NME9: variants seen among roughly 807,000 people sequenced by gnomAD.
NME9 encodes the protein NME/NM23 family member 9.
NME9 carries 48 observed loss-of-function variants against 44.4 expected under a neutral mutation model. The observed-to-expected ratio is 1.08, with a 90% CI of 0.86 to 1.37. NME9 has a LOEUF of 1.37. NME9 is among the 40% of genes most tolerant of loss of function. The pLI is 0.00. For synonymous variants in NME9, 139 were observed against 147.1 expected, an observed-to-expected ratio of 0.94 and a Z score of 0.40; for missense variants, 325 against 405.2, an observed-to-expected ratio of 0.80 and a Z score of 1.70.
At chr3:138,274,076 C>T (rs2049036634) in intron 8 of NME9, among the ~76,000 whole-genome samples, 1 of 152,166 alleles carries the variant, frequency 6.6e-6, no homozygotes, top group Admixed American at 6.5e-5. Flanking sequence ...CCTCGGCCCC[C>T]CAAAGTGCTG....
rs148029712 is a variant in NME9 at position 138,292,656 on chromosome 3, G to A, written c.745+10851C>T. Among the ~76,000 whole-genome samples, 461 of 152,270 alleles carry A rather than the reference G, an allele frequency of 3.0e-3. 6 individuals carry two copies. Among genetic ancestry groups the A allele is most frequent in the African/African-American group, 0.01 (419 of 41,550 alleles). On this transcript the variant is annotated intron_variant, in intron 8 of 8. Transcript: ENST00000317876. Reference sequence around the variant, plus strand: ...GGTGAGGAATATAGAAGTGGGTTGCGGTAGGGAGCATCAAGAGTTCTTGTT... The same window carrying A: ...GGTGAGGAATATAGAAGTGGGTTGCAGTAGGGAGCATCAAGAGTTCTTGTT...
At chr3:138,281,019 C>T (rs1414466620) in intron 8 of NME9, among the ~76,000 whole-genome samples, 7 of 152,148 alleles carry the variant, frequency 4.6e-5, no homozygotes, top group South Asian at 2.1e-4. Context: ...GCAACTACTC[C>T]TCTGTGCTGT....
In NME9 at chr3:138,324,957, T is replaced by C. The variant is rs373435345; in HGVS notation, c.34-27A>G. 382 of 1,594,714 alleles carry C rather than the reference T, an allele frequency of 2.4e-4. 2 individuals carry two copies. In the African/African-American group the frequency reaches 4.5e-3, roughly 19 times the overall value. ...TAAAGCCAAAGAGGATCAAATGCCG[T>C]ATTACTGAGGGCTCAGGCAGGGAAA... On this transcript the variant is annotated intron_variant, in intron 1 of 10. Coordinates refer to ENST00000333911, the MANE Select transcript of NME9 (RefSeq NM_001349018.2).
At chr3:138,273,521 T>TC (rs1455161921) in intron 8 of NME9, among the ~76,000 whole-genome samples, 1 of 152,138 alleles carries the variant, frequency 6.6e-6, no homozygotes, top group African/African-American at 2.4e-5. Context: ...ATAGACCATC[T>TC]CCCTACCCAC....
At chr3:138,270,398 AT>A (rs2048678626) in intron 8 of NME9, among the ~76,000 whole-genome samples, 1 of 152,172 alleles carries the variant, frequency 6.6e-6, no homozygotes, top group Admixed American at 6.5e-5. Context: ...GGGAAAATAA[AT>A]TTTCCTTATC....
chr3:138,289,671 G>A (rs1187796839), intron 8 of NME9, among the ~76,000 whole-genome samples: 2 of 152,100 alleles, frequency 1.3e-5, no homozygotes, highest in Admixed American at 6.5e-5. Flanking sequence ...AGAATCTCTC[G>A]GGGTGGGCTC....
intron 8 of NME9, among the ~76,000 whole-genome samples, chr3:138,263,097 C>G (rs990098737): frequency 8.5e-5 from 13 of 152,302 alleles, no homozygotes; most frequent in African/African-American, 3.1e-4. Context: ...TTTCAATAGG[C>G]CCACACAAGT....
intron 1 of NME9, among the ~76,000 whole-genome samples, chr3:138,326,595 G>A (rs1442373385): frequency 3.3e-5 from 5 of 151,668 alleles, no homozygotes; most frequent in Admixed American, 6.6e-5. Context: ...TACCACACCC[G>A]GGTAATTTTT....
At chr3:138,326,772 T>A (rs184408295) in intron 1 of NME9, among the ~76,000 whole-genome samples, 56 of 152,030 alleles carry the variant, frequency 3.7e-4, no homozygotes, top group Middle Eastern at 6.8e-3. Flanking sequence ...AAGGTCTGTG[T>A]CCCTCTAAAA....
intron 8 of NME9, among the ~76,000 whole-genome samples, chr3:138,268,023 A>G (rs2048437407): frequency 6.6e-6 from 1 of 152,170 alleles, no homozygotes; most frequent in African/African-American, 2.4e-5. Flanking sequence ...CAGGCAGAAC[A>G]CTTGAGGTCA....
chr3:138,273,559 C>A (rs1379243927), intron 8 of NME9, among the ~76,000 whole-genome samples: 3 of 152,108 alleles, frequency 2.0e-5, no homozygotes, highest in Admixed American at 2.0e-4. Context: ...CTGAAGATGC[C>A]AGTGTAGAAA....
In NME9 at chr3:138,263,893, C is replaced by T; in HGVS notation, c.746-1307G>A. On this transcript the variant is annotated intron_variant, in intron 8 of 8. Transcript: ENST00000317876. ...AACCTGTTTCCTTTCTGGTCCTTCACTGAGTAAACACAGACTACAAATGTT... is the reference window on the plus strand; with the variant it reads ...AACCTGTTTCCTTTCTGGTCCTTCATTGAGTAAACACAGACTACAAATGTT... The T allele has an allele frequency of 2.3e-6, 3 of 1,313,546 alleles. No homozygotes were observed. In the East Asian group the frequency reaches 6.9e-5, roughly 30 times the overall value. The allele number at this position is 1,313,546 out of a possible 1,614,324, so 81.4% of individuals were successfully genotyped here.
chr3:138,327,187 T>A (rs2053852576), intron 1 of NME9: 1 of 151,624 alleles, frequency 6.6e-6, no homozygotes, highest in Non-Finnish European at 1.5e-5. Context: ...GTCTCTCTTT[T>A]AAGGAAGCAT....
At chr3:138,328,493 A>G (rs2053930323) in intron 1 of NME9, among the ~76,000 whole-genome samples, 1 of 151,838 alleles carries the variant, frequency 6.6e-6, no homozygotes, top group South Asian at 2.1e-4. Flanking sequence ...ATGTCTCAAA[A>G]CCACTAATGC....
chr3:138,325,762 AGAAAGT>A (rs2053746578), intron 1 of NME9, among the ~76,000 whole-genome samples: 1 of 151,086 alleles, frequency 6.6e-6, no homozygotes. Flanking sequence ...TCAAACTTAG[AGAAAGT>A]GTGCAAGTAC....
At chr3:138,329,267 A>G (rs1418064978) in intron 1 of NME9, 36 bp downstream of exon 1, 6 of 1,526,190 alleles carry the variant, frequency 3.9e-6, no homozygotes, top group East Asian at 4.9e-5. Context: ...CCCGAGCCCA[A>G]CCCAGAGCTG....
intron 10 of NME9, 74 bp downstream of exon 10, chr3:138,303,433 C>T (rs1028561944): frequency 2.5e-6 from 3 of 1,213,010 alleles, no homozygotes; most frequent in Admixed American, 3.5e-5. Context: ...CAATCCCCCA[C>T]ACACTCAAGC....
At chr3:138,275,558 C>CAA (rs1260591641) in intron 8 of NME9, among the ~76,000 whole-genome samples, 2 of 138,990 alleles carry the variant, frequency 1.4e-5, no homozygotes, top group Admixed American at 7.2e-5. Context: ...GACTCTGTCT[C>CAA]AAAAAAAAAA....
intron 8 of NME9, among the ~76,000 whole-genome samples, chr3:138,274,744 C>T (rs1056291025): frequency 8.5e-5 from 13 of 152,176 alleles, no homozygotes; most frequent in African/African-American, 2.4e-5. Context: ...ACATGACCAG[C>T]GTCTACAGTT....
Sources: gnomAD v4.1 joint callset for allele counts (sites outside exome capture counted in the v4.1 genomes callset) on GRCh38, gnomAD v4.1.1 for gene constraint, MANE v1.5 for transcripts, NCBI Gene and HGNC (gene_info 2026-07-23, HGNC 2026-07-21) for gene names.